The following EIF5B variants were observed in gnomAD, a reference collection of about 807,000 sequenced individuals.
EIF5B encodes the protein eukaryotic translation initiation factor 5B.
EIF5B carries 47 observed loss-of-function variants against 147.5 expected under a neutral mutation model. The ratio of observed to expected loss-of-function variants is 0.32; its 90% CI spans 0.25 to 0.41. EIF5B has a LOEUF of 0.41. Ranked by LOEUF, EIF5B falls within the 10% of genes least tolerant of loss-of-function variation. EIF5B has a pLI of 1.00. For missense variants in EIF5B, 1,064 were observed against 1,413.2 expected (o/e 0.75, Z 3.96); for synonymous variants, 455 against 456.2 (o/e 1.00, Z 0.03).
intron 6 of EIF5B, 128 bp downstream of exon 6, chr2:99,364,549 A>G (rs1674286828): frequency 1.2e-6 from 1 of 859,010 alleles, no homozygotes; most frequent in Admixed American, 2.7e-5. Flanking sequence ...GAAAAAGTTC[A>G]GTAAAACGTA....
At chr2:99,385,345 A>G (rs1183330970) in intron 14 of EIF5B, among the ~76,000 whole-genome samples, 1 of 152,178 alleles carries the variant, frequency 6.6e-6, no homozygotes, top group Non-Finnish European at 1.5e-5. Context: ...GCGCCCAGCC[A>G]ATGAATCTTT....
chr2:99,356,799 G>T (rs1674105958), intron 1 of EIF5B, among the ~76,000 whole-genome samples: 1 of 152,020 alleles, frequency 6.6e-6, no homozygotes, highest in African/African-American at 2.4e-5. Flanking sequence ...TCAGTTTCTT[G>T]GATTTTAGCA....
intron 12 of EIF5B, among the ~76,000 whole-genome samples, chr2:99,379,720 C>T (rs562348534): frequency 6.6e-6 from 1 of 152,270 alleles, no homozygotes; most frequent in African/African-American, 2.4e-5. Context: ...CATTTATCCC[C>T]ATAATTTAAA....
At position 99,361,827 on chromosome 2, in the gene EIF5B, T is replaced by TTACTTTAGAGGA; in HGVS notation, c.919+7_919+8insTACTTTAGAGGA. On this transcript the variant is annotated splice_region_variant and intron_variant, in intron 4 of 23. Transcript: ENST00000289371. Reference sequence around the variant, plus strand: ...ACTCCCACAGCTGCAGAAGGTTGGTTAATACTTTAGAGGAAAGAGCAAAAG... The same window carrying TTACTTTAGAGGA: ...ACTCCCACAGCTGCAGAAGGTTGGTTTACTTTAGAGGAAATACTTTAGAGGAAAGAGCAAAAG... The TTACTTTAGAGGA allele has an allele frequency of 6.6e-7, 1 of 1,525,252 alleles. No homozygotes were observed. The highest frequency in any genetic ancestry group is 1.4e-5 in the African/African-American group (1 of 71,262). The allele number at this position is 1,525,252 out of a possible 1,614,324, so 94.5% of individuals were successfully genotyped here.
chr2:99,383,039 T>G (rs571793899), intron 14 of EIF5B, 118 bp downstream of exon 14: 82 of 1,125,014 alleles, frequency 7.3e-5, no homozygotes, highest in Middle Eastern at 3.1e-4. Context: ...TTCACTATAT[T>G]GTGCTTCACA....
At chr2:99,338,937 T>TATATATATATATATATATATACACAC in intron 1 of EIF5B, among the ~76,000 whole-genome samples, 1 of 134,672 alleles carries the variant, frequency 7.4e-6, no homozygotes, top group South Asian at 2.3e-4. Context: ...TATATATATA[T>TATATATATATATATATATATACACAC]ACAAATATAT....
intron 12 of EIF5B, 84 bp downstream of exon 12, chr2:99,379,512 C>G (rs996560581): frequency 4.8e-6 from 5 of 1,044,642 alleles, no homozygotes; most frequent in Non-Finnish European, 7.0e-6. Flanking sequence ...AGGACAGAGA[C>G]TAGGATAACA....
chr2:99,344,214 C>T (rs2094267535), intron 1 of EIF5B, among the ~76,000 whole-genome samples: 1 of 152,060 alleles, frequency 6.6e-6, no homozygotes, highest in African/African-American at 2.4e-5. Context: ...GCCACCGCAC[C>T]CGGCCTGCAT....
rs748742409 is a variant in EIF5B at position 99,399,282 on chromosome 2, CCT to C, written c.3556-24_3556-23del. On this transcript the variant is annotated intron_variant, in intron 23 of 23. Coordinates refer to ENST00000289371, the MANE Select transcript of EIF5B (RefSeq NM_015904.4). The stretch of plus-strand genomic sequence containing the variant: ...GGCACGTTTGTTATGTTCTGTTTAC[CCT>C]GTTTGTGCCTCGGGCATTGCAGATC... 3.1e-6 allele frequency: 5 copies of C among 1,608,100 alleles called. No individual in the cohort carries two copies. In the East Asian group the frequency reaches 6.7e-5, roughly 22 times the overall value.
intron 8 of EIF5B, among the ~76,000 whole-genome samples, chr2:99,370,843 GT>G (rs1201773652): frequency 6.6e-6 from 1 of 152,170 alleles, no homozygotes; most frequent in Non-Finnish European, 1.5e-5. Context: ...CTTTCTGGCT[GT>G]TTTGGGGTTA....
chr2:99,357,231 C>T (rs1674113915), intron 1 of EIF5B, among the ~76,000 whole-genome samples: 2 of 152,032 alleles, frequency 1.3e-5, no homozygotes, highest in African/African-American at 4.8e-5. Context: ...AGTCTTTTGC[C>T]TTTCTGTGTA....
At chr2:99,386,547 G>T (rs762424618) in intron 14 of EIF5B, among the ~76,000 whole-genome samples, 101 of 130,582 alleles carry the variant, frequency 7.7e-4, no homozygotes, top group Non-Finnish European at 9.9e-4. Flanking sequence ...TTTTTTTTTT[G>T]GAGACCATCT....
At chr2:99,352,635 C>T (rs1673995409) in intron 1 of EIF5B, among the ~76,000 whole-genome samples, 1 of 151,498 alleles carries the variant, frequency 6.6e-6, no homozygotes, top group African/African-American at 2.4e-5. Flanking sequence ...TGCCACCGTG[C>T]CTGGCTAATT....
intron 22 of EIF5B, 187 bp from the exon 23 acceptor site, chr2:99,398,561 G>A: frequency 1.9e-6 from 1 of 535,946 alleles, no homozygotes; most frequent in Non-Finnish European, 3.3e-6. Context: ...CCATCATGAA[G>A]GGAATAGGGT....
chr2:99,365,038 CT>C (rs1263967081), intron 6 of EIF5B, among the ~76,000 whole-genome samples: 1 of 152,104 alleles, frequency 6.6e-6, no homozygotes, highest in African/African-American at 2.4e-5. Context: ...TAATTTATTA[CT>C]TTTTTGAAAG....
chr2:99,360,134 G>A, intron 1 of EIF5B, 102 bp from the exon 2 acceptor site: 2 of 1,345,692 alleles, frequency 1.5e-6, no homozygotes, highest in Non-Finnish European at 2.0e-6. Context: ...TTTTCTCATT[G>A]TGCTGCTAAT....
At chr2:99,393,976 C>A (rs1674990967) in intron 18 of EIF5B, among the ~76,000 whole-genome samples, 1 of 152,158 alleles carries the variant, frequency 6.6e-6, no homozygotes, top group Admixed American at 6.5e-5. Context: ...TTTTTCTTCT[C>A]TACTGTTTAA....
chr2:99,399,720 G>C lies in EIF5B; in HGVS notation c.*306G>C. 1 of 291,064 alleles carries C rather than the reference G, an allele frequency of 3.4e-6. No homozygotes were observed. Among genetic ancestry groups the C allele is most frequent in the Non-Finnish European group, 6.7e-6 (1 of 148,870 alleles). 18.0% of individuals were successfully genotyped at this position (291,064 alleles called of 1,614,324 possible). On this transcript the variant is annotated 3_prime_UTR_variant, in exon 24 of 24. Coordinates refer to ENST00000289371, the MANE Select transcript of EIF5B (RefSeq NM_015904.4). ...TCCCCAAATTTGGATTTTTATTACA[G>C]ATCTAAAGCTCTTTCGATTTTATAC...
chr2:99,337,591 T>A lies in EIF5B; in HGVS notation c.35+2T>A. The A allele has an allele frequency of 6.2e-7, 1 of 1,612,046 alleles. No individual in the cohort carries two copies. The highest frequency in any genetic ancestry group is 8.5e-7 in the Non-Finnish European group (1 of 1,179,154). On this transcript the variant is annotated splice_donor_variant, in intron 1 of 23. Coordinates refer to ENST00000289371, the MANE Select transcript of EIF5B (RefSeq NM_015904.4). LOFTEE classifies it high-confidence loss of function. ...ACAGAAAAACAAGAGCGAAGACAGGTAGATAGGGGTTGGGTCCGTACGGCG... is the reference window on the plus strand; with the variant it reads ...ACAGAAAAACAAGAGCGAAGACAGGAAGATAGGGGTTGGGTCCGTACGGCG...
Sources: allele counts gnomAD v4.1 joint callset (sites outside exome capture counted in the v4.1 genomes callset), GRCh38; gene constraint gnomAD v4.1.1; transcripts MANE v1.5; gene names NCBI Gene and HGNC (gene_info 2026-07-23, HGNC 2026-07-21).